MTRR: variants seen among roughly 807,000 people sequenced by gnomAD.
MTRR encodes the protein methionine synthase reductase.
MTRR carries 63 observed loss-of-function variants against 79.2 expected under a neutral mutation model. The observed-to-expected ratio is 0.80, with a 90% CI of 0.65 to 0.98. The LOEUF (loss-of-function observed/expected upper bound fraction) is 0.98. MTRR is among the 50% of genes least tolerant of loss of function. MTRR has a pLI of 0.00. For synonymous variants in MTRR, 355 were observed against 313.3 expected, an observed-to-expected ratio of 1.13 and a Z score of -1.41; for missense variants, 895 against 839.6, an observed-to-expected ratio of 1.07 and a Z score of -0.82.
intron 10 of MTRR, among the ~76,000 whole-genome samples, chr5:7,892,061 AT>A (rs1737700729): frequency 6.6e-6 from 1 of 152,046 alleles, no homozygotes. Context: ...AAAAAAGAAT[AT>A]TTGATGAGCA....
chr5:7,872,811 C>G (rs2126658377), intron 2 of MTRR, among the ~76,000 whole-genome samples: 1 of 152,278 alleles, frequency 6.6e-6, no homozygotes, highest in South Asian at 2.1e-4. Context: ...GTCTCCCCAT[C>G]CCCATTTTAA....
chr5:7,884,616 C>T (rs906357836), intron 6 of MTRR, among the ~76,000 whole-genome samples: 6 of 152,054 alleles, frequency 3.9e-5, no homozygotes, highest in African/African-American at 9.7e-5. Context: ...GAAACATTTA[C>T]GTACAGTTTT....
chr5:7,878,228 C>T lies in MTRR; in HGVS notation c.686C>T (p.Thr229Ile). The T allele has an allele frequency of 1.2e-6, 2 of 1,614,190 alleles. No homozygotes were observed. Among genetic ancestry groups the T allele is most frequent in the Non-Finnish European group, 1.7e-6 (2 of 1,180,054 alleles). The change falls in exon 5 of 15, where the codon ACC (threonine) becomes ATC (isoleucine). Residue 229 changes from threonine (T) to isoleucine (I), a missense_variant. Physicochemically the swap from Thr to Ile is moderately conservative, Grantham distance 89. Coordinates refer to ENST00000440940, the MANE Select transcript of MTRR (RefSeq NM_002454.3). ...ATTGAAGACTTTGAGTCCTCACTTA[C>T]CCGTTCGGTACCCCCACTCTCACAA... is the stretch of plus-strand genomic sequence containing the variant. ...VVIEDFESSL[T>I]RSVPPLSQAS...
rs1491410388 is a variant in MTRR, at chr5:7,887,793, C to CATATATACATATATATATATACAT, written c.1146+1097_1146+1098insCATATATATATATACATATATATA. On this transcript the variant is annotated intron_variant, in intron 8 of 14. Transcript: ENST00000440940. ...GTATATATTTGTGTGTGTGTGTGTG[C>CATATATACATATATATATATACAT]ATATATATATATATATATATATATA... Among the ~76,000 whole-genome samples the CATATATACATATATATATATACAT allele has an allele frequency of 6.5e-5, 6 of 92,052 alleles. No homozygotes were observed. The Admixed American group carries it at 7.5e-4, about 12-fold the overall frequency. The allele number at this position is 92,052 out of a possible 152,430, so 60.4% of individuals were successfully genotyped here. A position where few individuals can be genotyped will look rare whatever the true frequency, so the allele number is the denominator to read the frequency against.
At chr5:7,851,071 C>G, upstream of MTRR, 1 of 1,235,234 alleles carries the variant, frequency 8.1e-7, no homozygotes, top group Admixed American at 4.2e-5. Flanking sequence ...TCCCGCCCGC[C>G]CAGGGGCCCA....
chr5:7,869,199 C>G lies in MTRR; in HGVS notation c.-42C>G, dbSNP rs749513400. On this transcript the variant is annotated 5_prime_UTR_variant, in exon 1 of 15. Coordinates refer to ENST00000440940, the MANE Select transcript of MTRR (RefSeq NM_002454.3). ...AAGTCGCGTTGTGCAGGTTCGTGCC[C>G]GGCTGGCGCGGCGTGGGTAAGCTGC... 2.5e-6 allele frequency: 4 copies of G among 1,608,786 alleles called. No individual in the cohort carries two copies. The highest frequency in any genetic ancestry group is 1.3e-5 in the African/African-American group (1 of 75,052).
upstream of MTRR, chr5:7,865,826 T>A (rs562602163): frequency 7.7e-6 from 9 of 1,165,424 alleles, no homozygotes; most frequent in Admixed American, 3.5e-5. Flanking sequence ...TTGAGACAGA[T>A]CAGAAGTAAA....
chr5:7,869,122 T>A (rs72716536), upstream of MTRR: 6 of 1,613,300 alleles, frequency 3.7e-6, no homozygotes, highest in Non-Finnish European at 5.1e-6. Flanking sequence ...CTATTGGTCC[T>A]GGGTACCGAG....
intron 1 of MTRR, chr5:7,859,589 T>G (rs16879236): frequency 0.05 from 58,609 of 1,181,390 alleles, 3,026 homozygotes; most frequent in East Asian, 0.19. Context: ...AAATCTGAGG[T>G]TCCTCTGGCT....
chr5:7,863,074 T>A, intron 2 of MTRR: 1 of 1,205,370 alleles, frequency 8.3e-7, no homozygotes, highest in Non-Finnish European at 1.2e-6. Flanking sequence ...GTTACCTAGG[T>A]AGAAAAGTTT....
At chr5:7,873,085 G>T (rs1487529843) in intron 2 of MTRR, among the ~76,000 whole-genome samples, 1 of 152,186 alleles carries the variant, frequency 6.6e-6, no homozygotes. Context: ...TACTGTCTGT[G>T]CCTGTCCCTG....
rs202133025 is a variant in MTRR at position 7,869,221 on chromosome 5, C to G, written c.-26+6C>G. ...GCCCGGCTGGCGCGGCGTGGGTAAG[C>G]TGCCTGTCGGCTACGGTTCCCGGAT... On this transcript the variant is annotated splice_donor_region_variant and intron_variant, in intron 1 of 14. Transcript: ENST00000440940. The G allele has an allele frequency of 1.2e-6, 2 of 1,605,254 alleles. No homozygotes were observed. The highest frequency in any genetic ancestry group is 1.6e-4 in the Middle Eastern group (1 of 6,068).
At chr5:7,853,843 T>A (rs182792556) in intron 1 of MTRR, among the ~76,000 whole-genome samples, 1 of 152,206 alleles carries the variant, frequency 6.6e-6, no homozygotes, top group Non-Finnish European at 1.5e-5. Flanking sequence ...CGAGGAGCCC[T>A]AGGGCTGACA....
chr5:7,863,953 G>A (rs928799514), intron 2 of MTRR, among the ~76,000 whole-genome samples: 1 of 152,122 alleles, frequency 6.6e-6, no homozygotes, highest in Non-Finnish European at 1.5e-5. Flanking sequence ...TGGGTTGAGC[G>A]ATTCTCCTAA....
rs562548611 is a variant in MTRR at position 7,863,738 on chromosome 5, T to C, written n.498+1681T>C. On this transcript the variant is annotated intron_variant and non_coding_transcript_variant, in intron 2 of 3. Coordinates refer to the MTRR transcript ENST00000502509. Reference sequence around the variant, plus strand: ...AAATAACTAAATTAAACTTCTGTCATCCATGACAGATGCTAATAAATTCCA... The same window carrying C: ...AAATAACTAAATTAAACTTCTGTCACCCATGACAGATGCTAATAAATTCCA... Among the ~76,000 whole-genome samples the C allele has an allele frequency of 9.2e-5, 14 of 152,340 alleles. No homozygotes were observed. The South Asian group carries it at 2.9e-3, about 32-fold the overall frequency.
chr5:7,897,149 G>A lies in MTRR; in HGVS notation c.1854G>A (p.Glu618=), dbSNP rs955857433. The change falls in exon 14 of 15, where the codon GAG becomes GAA. Residue 618 remains glutamate, a synonymous_variant. Transcript: ENST00000440940. ...CAAGAGATGCTCCTGTTGGGGAGGA[G>A]GAAGCCCCAGCAAAGTATGTGCAAG... ...SFSRDAPVGE[E]EAPAKYVQDN... is the part of the protein sequence containing the mutation. The A allele has an allele frequency of 5.6e-6, 9 of 1,614,110 alleles. No individual in the cohort carries two copies. The highest frequency in any genetic ancestry group is 6.8e-6 in the Non-Finnish European group (8 of 1,180,016).
chr5:7,856,215 G>A lies in MTRR; in HGVS notation n.391+4630G>A, dbSNP rs534382996. On this transcript the variant is annotated intron_variant and non_coding_transcript_variant, in intron 1 of 3. Coordinates refer to the MTRR transcript ENST00000502509. Reference sequence around the variant, plus strand: ...GAGCTCTGCAATTGAGGGGGATATTGAAGCTACTTCTCCATTGGTCAGATT... The same window carrying A: ...GAGCTCTGCAATTGAGGGGGATATTAAAGCTACTTCTCCATTGGTCAGATT... 1.7e-3 allele frequency among the ~76,000 whole-genome samples: 259 copies of A among 152,298 alleles called. 2 individuals are homozygous for A. Among genetic ancestry groups the A allele is most frequent in the African/African-American group, 6.1e-3 (253 of 41,564 alleles).
At chr5:7,878,969 G>GT (rs551778310) in intron 5 of MTRR, among the ~76,000 whole-genome samples, 24 of 151,888 alleles carry the variant, frequency 1.6e-4, no homozygotes, top group African/African-American at 3.1e-4. Context: ...TTAATTTCTT[G>GT]TTTTTTTTAA....
chr5:7,870,285 C>T (rs1747715057), intron 1 of MTRR: 3 of 195,520 alleles, frequency 1.5e-5, no homozygotes, highest in East Asian at 1.3e-4. Context: ...AACCAAGAAT[C>T]CTATCATTTT....
Sources: gnomAD v4.1 joint callset for allele counts (sites outside exome capture counted in the v4.1 genomes callset) on GRCh38, gnomAD v4.1.1 for gene constraint, MANE v1.5 for transcripts, NCBI Gene and HGNC (gene_info 2026-07-23, HGNC 2026-07-21) for gene names.